CNBD1: variants seen among roughly 807,000 people sequenced by gnomAD.
CNBD1 encodes cyclic nucleotide binding domain containing 1, also known as cyclic nucleotide-binding domain-containing protein 1.
CNBD1 carries 71 observed loss-of-function variants against 54.4 expected under a neutral mutation model. The observed-to-expected ratio is 1.30, with a 90% CI of 1.08 to 1.59. The LOEUF is 1.59. Ranked by LOEUF, CNBD1 falls within the 40% of genes most tolerant of loss-of-function variation. CNBD1 has a pLI of 0.00. For synonymous variants in CNBD1, 182 were observed against 170.7 expected (o/e 1.07, Z -0.51); for missense variants, 659 against 518.0 (o/e 1.27, Z -2.64).
intron 1 of CNBD1, among the ~76,000 whole-genome samples, chr8:86,868,011 C>T (rs1449281656): frequency 6.6e-6 from 1 of 152,146 alleles, no homozygotes; most frequent in Non-Finnish European, 1.5e-5. Context: ...TGAGGACGTG[C>T]CCTGCTTGCC....
At chr8:86,981,748 A>G (rs985307240) in intron 4 of CNBD1, among the ~76,000 whole-genome samples, 3 of 152,064 alleles carry the variant, frequency 2.0e-5, no homozygotes, top group Admixed American at 6.6e-5. Flanking sequence ...ATTCCTTTTT[A>G]TTGCTTAGTA....
At chr8:87,304,986 G>A (rs1809111068) in intron 8 of CNBD1, among the ~76,000 whole-genome samples, 1 of 152,034 alleles carries the variant, frequency 6.6e-6, no homozygotes, top group Non-Finnish European at 1.5e-5. Context: ...TTGCTAACAA[G>A]ATGATTGTTT....
downstream of CNBD1, among the ~76,000 whole-genome samples, chr8:87,387,617 A>T (rs1811217418): frequency 6.6e-6 from 1 of 152,194 alleles, no homozygotes; most frequent in East Asian, 1.9e-4. Context: ...AAGTCCTTAG[A>T]GACCAACAAA....
At chr8:87,304,395 C>T (rs559061624) in intron 8 of CNBD1, among the ~76,000 whole-genome samples, 1 of 152,036 alleles carries the variant, frequency 6.6e-6, no homozygotes, top group South Asian at 2.1e-4. Context: ...GACAAAAAAC[C>T]AAACACTGCA....
chr8:87,045,631 A>G (rs889676983), intron 4 of CNBD1, among the ~76,000 whole-genome samples: 3 of 149,392 alleles, frequency 2.0e-5, no homozygotes, highest in Non-Finnish European at 4.4e-5. Flanking sequence ...AGGCTGAGGC[A>G]GGAGAATGGC....
intron 4 of CNBD1, among the ~76,000 whole-genome samples, chr8:87,055,460 C>T (rs918251478): frequency 1.3e-5 from 2 of 151,714 alleles, no homozygotes; most frequent in African/African-American, 4.8e-5. Flanking sequence ...TGTGCAAGCT[C>T]CCATGAAACC....
intron 4 of CNBD1, among the ~76,000 whole-genome samples, chr8:87,191,727 A>G (rs796474796): frequency 5.3e-5 from 8 of 152,302 alleles, no homozygotes; most frequent in African/African-American, 1.9e-4. Flanking sequence ...GTGCTAGTGT[A>G]GAAATGCCTA....
At chr8:87,387,158 A>G (rs1811206478), downstream of CNBD1, among the ~76,000 whole-genome samples, 1 of 152,218 alleles carries the variant, frequency 6.6e-6, no homozygotes, top group Non-Finnish European at 1.5e-5. Context: ...AACATGCCAA[A>G]TTGTAAAGAC....
intron 4 of CNBD1, among the ~76,000 whole-genome samples, chr8:87,105,878 G>A (rs1814646474): frequency 6.6e-6 from 1 of 152,032 alleles, no homozygotes; most frequent in Middle Eastern, 3.2e-3. Flanking sequence ...CATTGTCAGT[G>A]CACATTTTGT....
intron 4 of CNBD1, among the ~76,000 whole-genome samples, chr8:87,025,134 C>T (rs919816194): frequency 3.3e-5 from 5 of 152,036 alleles, no homozygotes; most frequent in African/African-American, 9.7e-5. Flanking sequence ...CACCAATCAG[C>T]GCTCTGTGTC....
chr8:86,974,282 T>C (rs1235668138), intron 4 of CNBD1, among the ~76,000 whole-genome samples: 1 of 152,142 alleles, frequency 6.6e-6, no homozygotes, highest in Non-Finnish European at 1.5e-5. Flanking sequence ...TATGATGCTA[T>C]AGCTGTTACA....
intron 2 of CNBD1, among the ~76,000 whole-genome samples, chr8:87,389,730 T>G (rs1166190161): frequency 6.6e-6 from 1 of 152,148 alleles, no homozygotes; most frequent in Non-Finnish European, 1.5e-5. Context: ...ATGACTTTCT[T>G]CACAGAAATG....
At chr8:86,946,156 T>A (rs1807461131) in intron 4 of CNBD1, among the ~76,000 whole-genome samples, 1 of 152,224 alleles carries the variant, frequency 6.6e-6, no homozygotes, top group African/African-American at 2.4e-5. Flanking sequence ...GACTTTGCTA[T>A]GTTCTTGCTA....
At chr8:86,899,092 A>G (rs1371834652) in intron 2 of CNBD1, among the ~76,000 whole-genome samples, 3 of 149,964 alleles carry the variant, frequency 2.0e-5, no homozygotes, top group Non-Finnish European at 4.4e-5. Flanking sequence ...GTAAAATACT[A>G]CATCATCCCA....
chr8:87,317,658 G>A (rs1012272934), intron 8 of CNBD1, among the ~76,000 whole-genome samples: 1 of 151,750 alleles, frequency 6.6e-6, no homozygotes, highest in Non-Finnish European at 1.5e-5. Flanking sequence ...TTGTGTTATG[G>A]CTCAGAATAG....
At chr8:87,059,133 C>T (rs984218798) in intron 4 of CNBD1, among the ~76,000 whole-genome samples, 1 of 152,180 alleles carries the variant, frequency 6.6e-6, no homozygotes, top group African/African-American at 2.4e-5. Flanking sequence ...ACAAGTTTCT[C>T]ATCTCCATCT....
intron 4 of CNBD1, among the ~76,000 whole-genome samples, chr8:86,957,240 C>G (rs1438376260): frequency 6.6e-6 from 1 of 152,126 alleles, no homozygotes; most frequent in Non-Finnish European, 1.5e-5. Context: ...CAGTATTTTA[C>G]TGAAGATTTT....
chr8:87,080,316 G>T (rs1586242186), intron 4 of CNBD1, among the ~76,000 whole-genome samples: 1 of 152,230 alleles, frequency 6.6e-6, no homozygotes, highest in East Asian at 1.9e-4. Flanking sequence ...GGGTATGGTG[G>T]CTCACACCTG....
At chr8:86,933,530 A>G (rs1368641899) in intron 3 of CNBD1, among the ~76,000 whole-genome samples, 1 of 152,192 alleles carries the variant, frequency 6.6e-6, no homozygotes, top group African/African-American at 2.4e-5. Flanking sequence ...ATAAAAAACT[A>G]AAATGGTCTT....
Sources: allele counts gnomAD v4.1 joint callset (sites outside exome capture counted in the v4.1 genomes callset), GRCh38; gene constraint gnomAD v4.1.1; transcripts MANE v1.5; gene names NCBI Gene and HGNC (gene_info 2026-07-23, HGNC 2026-07-21).